Variants in ME3 observed in about 807,000 individuals in gnomAD.
ME3 encodes the protein malic enzyme 3, also known as NADP-dependent malic enzyme, mitochondrial.
A neutral mutation model predicts 68.9 loss-of-function variants in ME3; 48 were observed. The ratio of observed to expected loss-of-function variants is 0.70; its 90% CI spans 0.55 to 0.89. ME3 has a LOEUF of 0.89. Among genes scored for constraint, ME3 ranks in the 40% least tolerant of loss-of-function variants. ME3 has a pLI of 0.00. For missense variants in ME3, 675 were observed against 797.4 expected (o/e 0.85, Z 1.85); for synonymous variants, 320 against 318.8 (o/e 1.00, Z -0.04).
At chr11:86,448,414 G>A (rs1949444203) in intron 10 of ME3, among the ~76,000 whole-genome samples, 159 bp from the exon 11 acceptor site, 1 of 152,160 alleles carries the variant, frequency 6.6e-6, no homozygotes, top group African/African-American at 2.4e-5. Flanking sequence ...ACATTTCCTG[G>A]CAGAACCTAT....
chr11:86,518,117 A>G (rs1325328353), intron 4 of ME3, among the ~76,000 whole-genome samples: 4 of 152,210 alleles, frequency 2.6e-5, no homozygotes, highest in Admixed American at 6.5e-5. Flanking sequence ...CATTTGAGTT[A>G]TATCCCTCAG....
At chr11:86,534,868 G>A (rs1023770101) in intron 4 of ME3, among the ~76,000 whole-genome samples, 2 of 152,070 alleles carry the variant, frequency 1.3e-5, no homozygotes, top group Non-Finnish European at 2.9e-5. Flanking sequence ...TGGCCCATCT[G>A]TTACTTGTGT....
At chr11:86,513,784 G>A (rs775138267) in intron 4 of ME3, among the ~76,000 whole-genome samples, 2 of 152,150 alleles carry the variant, frequency 1.3e-5, no homozygotes, top group Non-Finnish European at 2.9e-5. Context: ...ATCTAAAGCA[G>A]CTCAGAGAAG....
chr11:86,566,871 A>G (rs1957507375), intron 2 of ME3, among the ~76,000 whole-genome samples: 1 of 152,112 alleles, frequency 6.6e-6, no homozygotes, highest in South Asian at 2.1e-4. Flanking sequence ...GGTGAGACGG[A>G]CCTCAGAAAA....
rs530737037 is a variant in ME3 at position 86,657,761 on chromosome 11, G to A, written c.183+14001C>T. 1.8e-4 allele frequency among the ~76,000 whole-genome samples: 27 copies of A among 152,122 alleles called. 1 individual carries two copies. The Middle Eastern group carries it at 0.02, about 115-fold the overall frequency. Reference sequence around the variant, plus strand: ...AATAACCATCTTTATAATGTTGTTCGTTCACTTATTTATTATCTGTCTTTC... The same window carrying A: ...AATAACCATCTTTATAATGTTGTTCATTCACTTATTTATTATCTGTCTTTC... On this transcript the variant is annotated intron_variant, in intron 2 of 14. Transcript: ENST00000543262.
At chr11:86,451,988 A>G (rs556862955) in intron 8 of ME3, among the ~76,000 whole-genome samples, 1 of 152,184 alleles carries the variant, frequency 6.6e-6, no homozygotes, top group Non-Finnish European at 1.5e-5. Flanking sequence ...CCTTATGGAG[A>G]TAATGAGCTT....
At chr11:86,494,064 A>AAG in intron 6 of ME3, among the ~76,000 whole-genome samples, 1 of 151,610 alleles carries the variant, frequency 6.6e-6, no homozygotes, top group East Asian at 1.9e-4. Flanking sequence ...AAAAAAAAAA[A>AAG]GGAACTGTAG....
chr11:86,577,216 C>G (rs1594520158), intron 2 of ME3, among the ~76,000 whole-genome samples: 1 of 152,172 alleles, frequency 6.6e-6, no homozygotes, highest in African/African-American at 2.4e-5. Context: ...CCATTTTGAC[C>G]CAGATCATTG....
chr11:86,458,414 A>G (rs775580663), intron 8 of ME3, among the ~76,000 whole-genome samples: 29 of 152,176 alleles, frequency 1.9e-4, no homozygotes, highest in Admixed American at 8.5e-4. Flanking sequence ...TCTCTGGCCA[A>G]TGGAGAAGAT....
intron 6 of ME3, 32 bp from the exon 7 acceptor site, chr11:86,487,472 A>T: frequency 1.3e-6 from 2 of 1,534,524 alleles, no homozygotes; most frequent in Non-Finnish European, 1.8e-6. Flanking sequence ...GACTGAGCCT[A>T]CTCCCGGTGT....
intron 2 of ME3, among the ~76,000 whole-genome samples, chr11:86,636,263 CT>C (rs34315700): frequency 0.37 from 54,196 of 148,332 alleles, 11,367 homozygotes; most frequent in Non-Finnish European, 0.46. Flanking sequence ...GTTTTTCTTT[CT>C]TTTTTTTTTT....
chr11:86,634,048 C>T (rs540804115), intron 2 of ME3, among the ~76,000 whole-genome samples: 9 of 152,244 alleles, frequency 5.9e-5, no homozygotes, highest in African/African-American at 2.2e-4. Context: ...ATTGAGTCCC[C>T]AAATCCCTCC....
Position 86,527,198 on chromosome 11 carries a change from A to T in ME3, c.468-18331T>A, listed in dbSNP as rs542288945. 7.9e-5 allele frequency among the ~76,000 whole-genome samples: 12 copies of T among 152,376 alleles called. No homozygotes were observed. In the South Asian group the frequency reaches 2.3e-3, roughly 29 times the overall value. ...ACCTGATGGAGCTGAAAACCAAGGC[A>T]CGAGAACTACGTGACGAATGCACAA... On this transcript the variant is annotated intron_variant, in intron 4 of 14. Transcript: ENST00000543262.
At chr11:86,632,137 C>T (rs1195753866) in intron 2 of ME3, among the ~76,000 whole-genome samples, 1 of 152,240 alleles carries the variant, frequency 6.6e-6, no homozygotes, top group Admixed American at 6.5e-5. Context: ...GTGATTCCAA[C>T]TCTGACCTGC....
At chr11:86,567,248 AAGG>A (rs1957537859) in intron 2 of ME3, among the ~76,000 whole-genome samples, 16 of 65,920 alleles carry the variant, frequency 2.4e-4, no homozygotes, top group African/African-American at 7.4e-4. Flanking sequence ...GAAAGAAAGG[AAGG>A]AAGGAAGGAA....
rs1225202822 is a variant in ME3 at position 86,553,193 on chromosome 11, G to A, written c.467+3360C>T. Reference sequence around the variant, plus strand: ...CTTCTGTGGTGCCTATCTGCCCAGAGACACTCAGGTGCCCCTGAGATACTC... The same window carrying A: ...CTTCTGTGGTGCCTATCTGCCCAGAAACACTCAGGTGCCCCTGAGATACTC... On this transcript the variant is annotated intron_variant, in intron 4 of 14. Coordinates refer to ENST00000543262, the Ensembl canonical transcript of ME3. 2.0e-5 allele frequency among the ~76,000 whole-genome samples: 3 copies of A among 152,214 alleles called. No homozygotes were observed. The East Asian group carries it at 5.8e-4, about 29-fold the overall frequency.
At chr11:86,607,228 A>G (rs77351903) in intron 2 of ME3, among the ~76,000 whole-genome samples, 5,864 of 152,224 alleles carry the variant, frequency 0.039, 135 homozygotes, top group Non-Finnish European at 0.054. Flanking sequence ...TAACTTGCAA[A>G]TGTGATGGTG....
chr11:86,508,934 A>T, intron 4 of ME3, 67 bp from the exon 5 acceptor site: 1 of 1,276,196 alleles, frequency 7.8e-7, no homozygotes, highest in Non-Finnish European at 1.1e-6. Flanking sequence ...AGCAAAGTCC[A>T]TAGTACTAGG....
intron 4 of ME3, among the ~76,000 whole-genome samples, chr11:86,533,893 G>A (rs747871404): frequency 4.0e-5 from 6 of 151,860 alleles, no homozygotes; most frequent in Non-Finnish European, 5.9e-5. Context: ...ACACACCTAC[G>A]CTACGTGGTA....
Sources: gnomAD v4.1 joint callset for allele counts (sites outside exome capture counted in the v4.1 genomes callset) on GRCh38, gnomAD v4.1.1 for gene constraint, MANE v1.5 for transcripts, NCBI Gene and HGNC (gene_info 2026-07-23, HGNC 2026-07-21) for gene names.